STAG2: variants seen among roughly 807,000 people sequenced by gnomAD.
STAG2 encodes the protein STAG2 cohesin complex component, also known as cohesin subunit SA-2.
A neutral mutation model predicts 108.1 loss-of-function variants in STAG2; 14 were observed. That is an observed-to-expected ratio of 0.13 (90% CI 0.09 to 0.20). The LOEUF is 0.20. Among genes scored for constraint, STAG2 ranks in the 10% least tolerant of loss-of-function variants. STAG2 has a pLI of 1.00. For synonymous variants in STAG2, 307 were observed against 302.7 expected, an observed-to-expected ratio of 1.01 and a Z score of -0.15; for missense variants, 440 against 940.9, an observed-to-expected ratio of 0.47 and a Z score of 6.96.
At chrX:124,057,195 A>C (rs2058232224) in intron 14 of STAG2, among the ~76,000 whole-genome samples, 1 of 112,368 alleles carries the variant, frequency 8.9e-6, no homozygotes. Context: ...TATGAGTAGA[A>C]GTGTGAATAT....
intron 1 of STAG2, among the ~76,000 whole-genome samples, chrX:123,994,530 C>T (rs1254158781): frequency 8.9e-6 from 1 of 111,753 alleles, no homozygotes; most frequent in Non-Finnish European, 1.9e-5. Context: ...TGCTAAAGAT[C>T]GTTTTGTGTA....
intron 8 of STAG2, 81 bp from the exon 9 acceptor site, chrX:124,047,273 T>A: frequency 1.1e-6 from 1 of 870,539 alleles, no homozygotes; most frequent in Non-Finnish European, 1.6e-6. Context: ...CATTTCTGCT[T>A]AATATTTCTA....
At chrX:124,031,840 C>A (rs2057355789) in intron 5 of STAG2, among the ~76,000 whole-genome samples, 1 of 109,395 alleles carries the variant, frequency 9.1e-6, no homozygotes, top group Non-Finnish European at 1.9e-5. Flanking sequence ...AGGCGATTCT[C>A]CTGCCTCAGC....
At chrX:124,018,279 C>G (rs1481208208) in intron 1 of STAG2, among the ~76,000 whole-genome samples, 1 of 112,173 alleles carries the variant, frequency 8.9e-6, no homozygotes, top group East Asian at 2.8e-4. Context: ...AAGTTAATAA[C>G]CCGCAATAGT....
intron 1 of STAG2, among the ~76,000 whole-genome samples, chrX:124,001,861 A>G (rs975392722): frequency 1.8e-5 from 2 of 111,715 alleles, no homozygotes; most frequent in African/African-American, 6.5e-5. Flanking sequence ...ACATGACTAT[A>G]TATTGAGGTA....
At position 124,062,738 on chromosome X, in the gene STAG2, T is replaced by A. The variant is rs138369507; in HGVS notation, c.1639-164T>A. On this transcript the variant is annotated intron_variant, in intron 17 of 34. Coordinates refer to ENST00000371145, the MANE Select transcript of STAG2 (RefSeq NM_001042750.2). Reference sequence around the variant, plus strand: ...GCTTTTTGTTTTTATAATGTGTAGTTTTCTCTTTCATGTCACTTTTAGGGT... The same window carrying A: ...GCTTTTTGTTTTTATAATGTGTAGTATTCTCTTTCATGTCACTTTTAGGGT... Among the ~76,000 whole-genome samples, 271 of 112,113 alleles carry A rather than the reference T, an allele frequency of 2.4e-3. 1 individual carries two copies. The highest frequency in any genetic ancestry group is 8.1e-3 in the African/African-American group (250 of 30,975).
At chrX:123,961,041 A>T (rs990944511), upstream of STAG2, 1 of 111,969 alleles carries the variant, frequency 8.9e-6, no homozygotes, top group Non-Finnish European at 1.9e-5. Flanking sequence ...CTTCGCCCCC[A>T]TGGGGGGCAG....
chrX:123,995,358 C>T (rs1399728563), intron 1 of STAG2, among the ~76,000 whole-genome samples: 1 of 111,783 alleles, frequency 8.9e-6, no homozygotes, highest in African/African-American at 3.3e-5. Context: ...CTTAAGAAGC[C>T]TGAAAGGCTA....
At chrX:123,964,250 CAAA>C (rs55860920) in intron 1 of STAG2, among the ~76,000 whole-genome samples, 1 of 83,131 alleles carries the variant, frequency 1.2e-5, no homozygotes, top group East Asian at 3.6e-4. Context: ...GCAAAACTTT[CAAA>C]AAAAAAAAAA....
intron 1 of STAG2, among the ~76,000 whole-genome samples, chrX:123,970,285 C>T (rs1361121882): frequency 9.1e-6 from 1 of 109,977 alleles, no homozygotes; most frequent in Non-Finnish European, 1.9e-5. Context: ...GAATTATTCC[C>T]CGAGGCATCC....
chrX:123,982,612 C>G (rs1457445786), intron 1 of STAG2, among the ~76,000 whole-genome samples: 1 of 111,233 alleles, frequency 9.0e-6, no homozygotes, highest in Non-Finnish European at 1.9e-5. Context: ...GTCTCGAACT[C>G]CTGACCTCAA....
chrX:124,062,041 T>G (rs978129721), intron 17 of STAG2, among the ~76,000 whole-genome samples, 167 bp downstream of exon 17: 1 of 111,344 alleles, frequency 9.0e-6, no homozygotes, highest in African/African-American at 3.3e-5. Context: ...ATTTGAGAAA[T>G]TTGAGTTCTC....
chrX:124,056,664 C>T (rs1438935809), intron 14 of STAG2, among the ~76,000 whole-genome samples: 10 of 89,307 alleles, frequency 1.1e-4, no homozygotes, highest in Non-Finnish European at 1.5e-4. Flanking sequence ...ACTCGGGAGG[C>T]GGAGCTTGCA....
chrX:123,975,349 G>A (rs1186374808), intron 1 of STAG2, among the ~76,000 whole-genome samples: 2 of 112,244 alleles, frequency 1.8e-5, no homozygotes, highest in African/African-American at 6.5e-5. Context: ...CTTTACTCCT[G>A]GCAGGAGAAT....
chrX:124,101,270 C>T lies in STAG2; in HGVS notation c.*673C>T, dbSNP rs1238531876. On this transcript the variant is annotated 3_prime_UTR_variant, in exon 35 of 35. Coordinates refer to ENST00000371145, the MANE Select transcript of STAG2 (RefSeq NM_001042750.2). ...ATGCAGTGAACTGCCAGAAGGTAAC[C>T]AGTCTCAAACATGCTTATCCCATTA... 6.6e-6 allele frequency: 1 copy of T among 151,002 alleles called. No individual in the cohort carries two copies. Among genetic ancestry groups the T allele is most frequent in the Non-Finnish European group, 1.3e-5 (1 of 77,003 alleles). 12.4% of individuals were successfully genotyped at this position (151,002 alleles called of 1,213,427 possible). A position where few individuals can be genotyped will look rare whatever the true frequency, so the allele number is the denominator to read the frequency against.
chrX:124,079,287 C>T (rs1388439640), intron 27 of STAG2, among the ~76,000 whole-genome samples: 1 of 109,086 alleles, frequency 9.2e-6, no homozygotes, highest in Non-Finnish European at 1.9e-5. Flanking sequence ...TACAGGCACC[C>T]GCCACCACAC....
At chrX:124,028,651 T>A (rs2057186493) in intron 4 of STAG2, among the ~76,000 whole-genome samples, 1 of 108,844 alleles carries the variant, frequency 9.2e-6, no homozygotes, top group Non-Finnish European at 1.9e-5. Context: ...TTTGGACTCT[T>A]GGAGGAAGAA....
At chrX:123,993,069 A>G (rs1446792133) in intron 1 of STAG2, among the ~76,000 whole-genome samples, 1 of 111,693 alleles carries the variant, frequency 9.0e-6, no homozygotes, top group East Asian at 2.8e-4. Flanking sequence ...CCTAAAAATG[A>G]TACCTTGTAT....
chrX:124,057,037 C>T lies in STAG2; in HGVS notation c.1304+802C>T, dbSNP rs148576381. ...TCACCCTCCTGAGTAGCTGGGACTA[C>T]AGGCTGTATTTAGTCTTCAACTTAT... On this transcript the variant is annotated intron_variant, in intron 14 of 34. Transcript: ENST00000371145. Among the ~76,000 whole-genome samples the T allele has an allele frequency of 2.2e-4, 24 of 110,358 alleles. No homozygotes were observed. In the East Asian group the frequency reaches 6.3e-3, roughly 29 times the overall value.
Sources: gnomAD v4.1 joint callset for allele counts (sites outside exome capture counted in the v4.1 genomes callset) on GRCh38, gnomAD v4.1.1 for gene constraint, MANE v1.5 for transcripts, NCBI Gene and HGNC (gene_info 2026-07-23, HGNC 2026-07-21) for gene names.